The following TBL1XR1 variants were observed in gnomAD, a reference collection of about 807,000 sequenced individuals.
TBL1XR1 encodes F-box-like/WD repeat-containing protein TBL1XR1.
In TBL1XR1, 5 loss-of-function variants were observed where a neutral mutation model predicts 66.9. The observed-to-expected ratio is 0.07, with a 90% confidence interval of 0.04 to 0.16. The LOEUF is 0.16. Ranked by LOEUF, TBL1XR1 falls within the 10% of genes least tolerant of loss-of-function variation. The pLI is 1.00. For synonymous variants in TBL1XR1, 210 were observed against 206.0 expected, an observed-to-expected ratio of 1.02 and a Z score of -0.17; for missense variants, 238 against 623.2, an observed-to-expected ratio of 0.38 and a Z score of 6.58.
intron 1 of TBL1XR1, among the ~76,000 whole-genome samples, chr3:177,116,430 T>C (rs1228374508): frequency 2.0e-5 from 3 of 152,168 alleles, no homozygotes; most frequent in Non-Finnish European, 4.4e-5. Context: ...CATGTGTATG[T>C]TTTTAGTTTC....
At chr3:177,167,910 GA>G (rs1339161147) in intron 1 of TBL1XR1, among the ~76,000 whole-genome samples, 1 of 151,824 alleles carries the variant, frequency 6.6e-6, no homozygotes, top group Non-Finnish European at 1.5e-5. Flanking sequence ...TGGGCAACAA[GA>G]GCGAAACACT....
chr3:177,120,768 CAATT>C (rs1726892466), intron 1 of TBL1XR1: 3 of 152,204 alleles, frequency 2.0e-5, no homozygotes, highest in South Asian at 2.1e-4. Context: ...ACTACATAAT[CAATT>C]GAGTTAACTC....
chr3:177,138,344 C>T (rs115027882), intron 1 of TBL1XR1, among the ~76,000 whole-genome samples: 2,077 of 152,218 alleles, frequency 0.014, 56 homozygotes, highest in African/African-American at 0.047. Context: ...CCTGCAATTT[C>T]GGCATTTTGA....
chr3:177,048,755 C>T (rs1279397773), intron 7 of TBL1XR1, among the ~76,000 whole-genome samples: 2 of 152,146 alleles, frequency 1.3e-5, no homozygotes, highest in Non-Finnish European at 2.9e-5. Context: ...TAATGTTTTC[C>T]AAGTTCACCG....
intron 1 of TBL1XR1, among the ~76,000 whole-genome samples, chr3:177,113,163 C>T (rs1435630736): frequency 1.3e-5 from 2 of 151,966 alleles, no homozygotes; most frequent in East Asian, 3.8e-4. Context: ...TGAATATTCA[C>T]ATGTAGAAAA....
intron 1 of TBL1XR1, among the ~76,000 whole-genome samples, chr3:177,113,891 A>C (rs1336418653): frequency 6.6e-6 from 1 of 152,198 alleles, no homozygotes; most frequent in Non-Finnish European, 1.5e-5. Context: ...AGAAAAGAGA[A>C]TCCTTAACAC....
intron 1 of TBL1XR1, among the ~76,000 whole-genome samples, chr3:177,113,265 T>C (rs1321749548): frequency 6.6e-6 from 1 of 151,962 alleles, no homozygotes; most frequent in African/African-American, 2.4e-5. Flanking sequence ...ACTAGAAAAT[T>C]ACTAAAAGAA....
chr3:177,031,039 G>C (rs999736292), intron 14 of TBL1XR1, among the ~76,000 whole-genome samples: 4 of 152,216 alleles, frequency 2.6e-5, no homozygotes, highest in African/African-American at 9.6e-5. Flanking sequence ...TTGAACCCAG[G>C]AGGTGGAGGT....
chr3:177,025,669 T>G, intron 15 of TBL1XR1, 145 bp from the exon 16 acceptor site: 1 of 757,090 alleles, frequency 1.3e-6, no homozygotes, highest in Non-Finnish European at 2.1e-6. Context: ...AAATGAGCAC[T>G]TAACTGACAG....
chr3:177,041,678 C>T (rs567190157), intron 10 of TBL1XR1, among the ~76,000 whole-genome samples: 1 of 152,304 alleles, frequency 6.6e-6, no homozygotes, highest in East Asian at 1.9e-4. Flanking sequence ...ATTTGGCAGT[C>T]AACTCTCATT....
chr3:177,061,743 G>A (rs537379946), intron 3 of TBL1XR1, among the ~76,000 whole-genome samples: 17 of 152,172 alleles, frequency 1.1e-4, no homozygotes, highest in South Asian at 4.1e-4. Context: ...AATTTATATC[G>A]CATTTCTTAG....
At chr3:177,158,902 T>C (rs1466679411) in intron 1 of TBL1XR1, among the ~76,000 whole-genome samples, 1 of 152,076 alleles carries the variant, frequency 6.6e-6, no homozygotes, top group Non-Finnish European at 1.5e-5. Flanking sequence ...GAAACATCCA[T>C]CCTGCGGGCC....
chr3:177,054,444 T>C (rs1452750241), intron 3 of TBL1XR1, among the ~76,000 whole-genome samples: 1 of 152,194 alleles, frequency 6.6e-6, no homozygotes, highest in Non-Finnish European at 1.5e-5. Flanking sequence ...ATGCTTTAAA[T>C]AGGAATTCAT....
Position 177,166,493 on chromosome 3 carries a change from T to C in TBL1XR1, c.-122+30628A>G, listed in dbSNP as rs190674326. ...GCTGAGGGAAGGGCCTCATGGGAGG[T>C]GAATGGATCATGCAGCTTCCCCCAT... is the stretch of plus-strand genomic sequence containing the variant. On this transcript the variant is annotated intron_variant, in intron 1 of 15. Coordinates refer to ENST00000457928, the MANE Select transcript of TBL1XR1 (RefSeq NM_024665.7). Among the ~76,000 whole-genome samples, 6 of 152,014 alleles carry C rather than the reference T, an allele frequency of 3.9e-5. No individual in the cohort carries two copies. The South Asian group carries it at 6.2e-4, about 16-fold the overall frequency.
chr3:177,070,937 T>C (rs2108564214), intron 2 of TBL1XR1, among the ~76,000 whole-genome samples: 1 of 152,032 alleles, frequency 6.6e-6, no homozygotes, highest in East Asian at 1.9e-4. Context: ...TGTGTCTGAA[T>C]AGGAATCTGT....
At chr3:177,186,496 T>C (rs2108989234) in intron 1 of TBL1XR1, among the ~76,000 whole-genome samples, 1 of 152,312 alleles carries the variant, frequency 6.6e-6, no homozygotes, top group East Asian at 1.9e-4. Context: ...TGTGAGTTAA[T>C]GACATATGAT....
At chr3:177,073,731 T>C (rs982287279) in intron 2 of TBL1XR1, among the ~76,000 whole-genome samples, 1 of 152,188 alleles carries the variant, frequency 6.6e-6, no homozygotes, top group Admixed American at 6.5e-5. Context: ...TAGCCAAACT[T>C]ACCCCATTTG....
intron 1 of TBL1XR1, among the ~76,000 whole-genome samples, chr3:177,178,189 G>T (rs972733648): frequency 6.6e-6 from 1 of 152,186 alleles, no homozygotes; most frequent in Non-Finnish European, 1.5e-5. Flanking sequence ...GTGGCCAGGG[G>T]CCAGATCGCA....
At chr3:177,062,684 C>T (rs1201891267) in intron 3 of TBL1XR1, among the ~76,000 whole-genome samples, 1 of 152,132 alleles carries the variant, frequency 6.6e-6, no homozygotes, top group Non-Finnish European at 1.5e-5. Context: ...CTAAAGAATA[C>T]ACAAAGGACA....
Sources: gnomAD v4.1 joint callset for allele counts (sites outside exome capture counted in the v4.1 genomes callset) on GRCh38, gnomAD v4.1.1 for gene constraint, MANE v1.5 for transcripts, NCBI Gene and HGNC (gene_info 2026-07-23, HGNC 2026-07-21) for gene names.